Variants in TJP2 observed in about 807,000 individuals in gnomAD.
TJP2 encodes tight junction protein 2.
Under a neutral mutation model 133.1 loss-of-function variants are expected in TJP2, and 91 were observed. The ratio of observed to expected loss-of-function variants is 0.68; its 90% CI spans 0.58 to 0.81. The LOEUF (loss-of-function observed/expected upper bound fraction) is 0.81, where lower values mean the gene tolerates loss of function less well. Ranked by LOEUF, TJP2 falls within the 40% of genes least tolerant of loss-of-function variation. The pLI, the probability that TJP2 is intolerant of heterozygous loss-of-function variation, is 0.00. For missense variants in TJP2, 1,541 were observed against 1,565.6 expected, an observed-to-expected ratio of 0.98 and a Z score of 0.26; for synonymous variants, 592 against 583.4, an observed-to-expected ratio of 1.01 and a Z score of -0.21.
chr9:69,240,216 T>C (rs1335468421), intron 17 of TJP2, 69 bp downstream of exon 17: 8 of 1,360,240 alleles, frequency 5.9e-6, no homozygotes, highest in Non-Finnish European at 8.1e-6. Context: ...GTAGAAGAAA[T>C]AATTAATTAA....
chr9:69,226,048 G>C lies in TJP2; in HGVS notation c.1083G>C (p.Met361Ile). 6.2e-7 allele frequency: 1 copy of C among 1,614,144 alleles called. No individual in the cohort carries two copies. The highest frequency in any genetic ancestry group is 1.3e-5 in the African/African-American group (1 of 75,024). The change falls in exon 7 of 23, where the codon ATG becomes ATC. Residue 361 changes from methionine (M) to isoleucine (I), a missense_variant. By Grantham distance (10) the Met-to-Ile change is conservative (BLOSUM62 1). Coordinates refer to ENST00000377245, the MANE Select transcript of TJP2 (RefSeq NM_004817.4). Reference sequence around the variant, plus strand: ...TCAATGGGACTGTAACTGAGAACATGTCTTTAACGGATGCTCGAAAATTGA... The same window carrying C: ...TCAATGGGACTGTAACTGAGAACATCTCTTTAACGGATGCTCGAAAATTGA... ...LKINGTVTEN[M>I]SLTDARKLIE... is the part of the protein sequence containing the mutation.
intron 1 of TJP2, among the ~76,000 whole-genome samples, chr9:69,184,990 T>G (rs898603128): frequency 1.3e-5 from 2 of 152,016 alleles, no homozygotes; most frequent in African/African-American, 4.8e-5. Flanking sequence ...GCTCAGGCGA[T>G]CCTCCTACCT....
At chr9:69,200,336 C>T (rs1438520614) in intron 1 of TJP2, among the ~76,000 whole-genome samples, 1 of 152,002 alleles carries the variant, frequency 6.6e-6, no homozygotes, top group African/African-American at 2.4e-5. Flanking sequence ...CCAGGCCTCT[C>T]ATCCTCAGTT....
intron 2 of TJP2, among the ~76,000 whole-genome samples, chr9:69,157,538 T>C (rs966011236): frequency 2.0e-5 from 3 of 151,628 alleles, no homozygotes; most frequent in African/African-American, 4.9e-5. Flanking sequence ...TGATCTTGGC[T>C]CATTGCAACC....
intron 1 of TJP2, among the ~76,000 whole-genome samples, chr9:69,193,653 CA>C (rs1199678140): frequency 8.1e-6 from 1 of 123,368 alleles, no homozygotes; most frequent in East Asian, 2.2e-4. Flanking sequence ...AGTTTAGAAA[CA>C]AGGCTATTTC....
At chr9:69,156,617 C>T (rs1469343319) in intron 2 of TJP2, among the ~76,000 whole-genome samples, 1 of 150,722 alleles carries the variant, frequency 6.6e-6, no homozygotes, top group East Asian at 2.0e-4. Flanking sequence ...CTGCAAGCTC[C>T]GCCTTCCGGG....
At chr9:69,234,587 T>TA in intron 12 of TJP2, 40 bp downstream of exon 12, 1 of 283,052 alleles carries the variant, frequency 3.5e-6, no homozygotes, top group Admixed American at 4.7e-5. Context: ...GGGGTGGGGG[T>TA]GGGGAGTGGG....
At chr9:69,194,935 G>C (rs1826443696) in intron 1 of TJP2, among the ~76,000 whole-genome samples, 1 of 152,142 alleles carries the variant, frequency 6.6e-6, no homozygotes, top group African/African-American at 2.4e-5. Context: ...CCGTATGTAG[G>C]CTCACTGGCT....
At chr9:69,249,140 A>T in intron 19 of TJP2, 2 of 1,333,848 alleles carry the variant, frequency 1.5e-6, no homozygotes, top group East Asian at 6.3e-5. Flanking sequence ...AGACTTTTGG[A>T]GGGTTCTTAA....
chr9:69,157,578 G>T (rs1341298792), intron 2 of TJP2, among the ~76,000 whole-genome samples: 12 of 151,628 alleles, frequency 7.9e-5, no homozygotes, highest in Non-Finnish European at 1.8e-4. Context: ...CAATTCTCCT[G>T]CCTCAGCCTC....
At chr9:69,209,282 G>A (rs1269537263) in intron 1 of TJP2, among the ~76,000 whole-genome samples, 2 of 152,000 alleles carry the variant, frequency 1.3e-5, no homozygotes, top group African/African-American at 4.8e-5. Flanking sequence ...ACAGATATGC[G>A]CCACCACGCC....
At position 69,208,329 on chromosome 9, in the gene TJP2, A is replaced by G. The variant is rs188050081; in HGVS notation, c.61-4219A>G. On this transcript the variant is annotated intron_variant, in intron 1 of 22. Transcript: ENST00000377245. ...TATTACCCGTTAACCATAGGTAAGA[A>G]GAAGCCTCGCAATCTGATTGGTTTC... Among the ~76,000 whole-genome samples the G allele has an allele frequency of 1.6e-3, 249 of 152,332 alleles. 2 individuals are homozygous for G. The highest frequency in any genetic ancestry group is 5.8e-3 in the African/African-American group (242 of 41,576).
chr9:69,246,741 A>G lies in TJP2; in HGVS notation c.2618A>G (p.Asp873Gly), dbSNP rs781080537. ...ANDSWFGSLK[D>G]TIQHQQGEAV... is the part of the protein sequence containing the mutation. Reference sequence around the variant, plus strand: ...GATAGCTGGTTTGGCAGCTTAAAGGACACTATTCAGCATCAGCAAGGAGAA... The same window carrying G: ...GATAGCTGGTTTGGCAGCTTAAAGGGCACTATTCAGCATCAGCAAGGAGAA... The change falls in exon 18 of 23, where the codon GAC becomes GGC. Residue 873 changes from aspartate to glycine, a missense_variant. Coordinates refer to ENST00000377245, the MANE Select transcript of TJP2 (RefSeq NM_004817.4). 2.5e-6 allele frequency: 4 copies of G among 1,614,144 alleles called. No individual in the cohort carries two copies.
At chr9:69,164,705 GC>G (rs1824258077) in intron 2 of TJP2, among the ~76,000 whole-genome samples, 1 of 152,316 alleles carries the variant, frequency 6.6e-6, no homozygotes, top group African/African-American at 2.4e-5. Flanking sequence ...TAAAAGGAAA[GC>G]AACAATAACA....
rs141246302 is a variant in TJP2 at position 69,133,365 on chromosome 9, C to T, written c.-131+11640C>T. Among the ~76,000 whole-genome samples, 117 of 152,200 alleles carry T rather than the reference C, an allele frequency of 7.7e-4. 1 individual carries two copies. The East Asian group carries it at 0.017, about 22-fold the overall frequency. The stretch of plus-strand genomic sequence containing the variant: ...TGTTCACTAAATAATGGCTTAGCGA[C>T]GCCTAGCCAAGGATAGGTGTGTATT... On this transcript the variant is annotated intron_variant, in intron 1 of 5. Transcript: ENST00000423935.
chr9:69,197,644 T>C (rs1377346455), intron 1 of TJP2, among the ~76,000 whole-genome samples: 1 of 151,470 alleles, frequency 6.6e-6, no homozygotes, highest in Non-Finnish European at 1.5e-5. Context: ...GTGCTTATCC[T>C]GTGATGGGTA....
chr9:69,134,295 G>T (rs907907018), intron 1 of TJP2, among the ~76,000 whole-genome samples: 15 of 152,238 alleles, frequency 9.9e-5, no homozygotes, highest in Admixed American at 9.2e-4. Flanking sequence ...AGAGCTTACA[G>T]TCTGGAGGAG....
chr9:69,233,764 G>T (rs1350376590), intron 11 of TJP2, among the ~76,000 whole-genome samples: 1 of 151,428 alleles, frequency 6.6e-6, no homozygotes, highest in Non-Finnish European at 1.5e-5. Context: ...GCGACAGAGG[G>T]AGACTACATC....
intron 1 of TJP2, among the ~76,000 whole-genome samples, chr9:69,185,689 G>C (rs937734516): frequency 6.6e-6 from 1 of 152,004 alleles, no homozygotes; most frequent in Non-Finnish European, 1.5e-5. Context: ...TATAAATCTG[G>C]CTGATAGATG....
Sources: gnomAD v4.1 joint callset for allele counts (sites outside exome capture counted in the v4.1 genomes callset) on GRCh38, gnomAD v4.1.1 for gene constraint, MANE v1.5 for transcripts, NCBI Gene and HGNC (gene_info 2026-07-23, HGNC 2026-07-21) for gene names.